Variants in ITCH observed in about 807,000 individuals in gnomAD.
ITCH encodes the protein itchy E3 ubiquitin protein ligase, also known as E3 ubiquitin-protein ligase Itchy homolog.
Under a neutral mutation model 126.8 loss-of-function variants are expected in ITCH, and 28 were observed. That is an observed-to-expected ratio of 0.22 (90% confidence interval 0.16 to 0.30). The LOEUF is 0.30. Among genes scored for constraint, ITCH ranks in the 10% least tolerant of loss-of-function variants. ITCH has a pLI of 1.00. For missense variants in ITCH, 631 were observed against 1,032.4 expected (o/e 0.61, Z 5.33); for synonymous variants, 342 against 340.0 (o/e 1.01, Z -0.06).
At position 34,476,544 on chromosome 20, in the gene ITCH, G is replaced by A. The variant is rs115788324; in HGVS notation, c.1570-1228G>A. 1,885 of 883,506 alleles carry A rather than the reference G, an allele frequency of 2.1e-3. 28 individuals are homozygous for A. The African/African-American group carries it at 0.03, about 14-fold the overall frequency. 54.7% of individuals were successfully genotyped at this position (883,506 alleles called of 1,614,324 possible). A position where few individuals can be genotyped will look rare whatever the true frequency, so the allele number is the denominator to read the frequency against. On this transcript the variant is annotated intron_variant, in intron 16 of 24. Coordinates refer to ENST00000374864, the MANE Select transcript of ITCH (RefSeq NM_031483.7). ...TAACCTTGTGACATTTCTCATTTGC[G>A]TTGCTGTATACCTAGCCTATACTAT...
At chr20:34,374,977 G>A (rs2037778773) in intron 2 of ITCH, among the ~76,000 whole-genome samples, 1 of 151,420 alleles carries the variant, frequency 6.6e-6, no homozygotes, top group East Asian at 1.9e-4. Context: ...CTGACCTCAG[G>A]TGATCCACCC....
rs1984327337 is a variant in ITCH at position 34,445,366 on chromosome 20, A to G, written c.1045A>G (p.Thr349Ala). 2 of 1,613,960 alleles carry G rather than the reference A, an allele frequency of 1.2e-6. No homozygotes were observed. Among genetic ancestry groups the G allele is most frequent in the Non-Finnish European group, 1.7e-6 (2 of 1,180,042 alleles). The part of the protein sequence containing the change: ...FTRTTTWQRP[T>A]LESVRNYEQW... ...AAGAACAACAACGTGGCAGAGGCCAACACTGGAATCCGTCCGGAACTATGA... is the reference window on the plus strand; with the variant it reads ...AAGAACAACAACGTGGCAGAGGCCAGCACTGGAATCCGTCCGGAACTATGA... Residue 349 changes from threonine (T) to alanine (A), a missense_variant, in exon 11 of 25, where the codon ACA (threonine) becomes GCA (alanine). Coordinates refer to ENST00000374864, the MANE Select transcript of ITCH (RefSeq NM_031483.7).
intron 6 of ITCH, among the ~76,000 whole-genome samples, chr20:34,414,457 CTTTTTTTTTTTT>C (rs770240058): frequency 2.8e-5 from 2 of 70,826 alleles, no homozygotes; most frequent in Admixed American, 2.1e-4. Flanking sequence ...ACTTTAAATC[CTTTTTTTTTTTT>C]TTTTTTTTTT....
intron 9 of ITCH, 35 bp downstream of exon 9, chr20:34,440,379 T>C (rs1983588502): frequency 1.0e-5 from 15 of 1,481,028 alleles, no homozygotes; most frequent in Non-Finnish European, 1.4e-5. Flanking sequence ...ATGTTGTCTT[T>C]AGGATTCTTC....
chr20:34,387,211 G>C (rs2038314873), intron 2 of ITCH, among the ~76,000 whole-genome samples: 1 of 151,916 alleles, frequency 6.6e-6, no homozygotes, highest in African/African-American at 2.4e-5. Context: ...GCTGAGGCAG[G>C]AGAATTGCTT....
At chr20:34,465,192 A>G (rs562947665) in intron 14 of ITCH, among the ~76,000 whole-genome samples, 1 of 152,342 alleles carries the variant, frequency 6.6e-6, no homozygotes, top group South Asian at 2.1e-4. Flanking sequence ...ACCATTGTCA[A>G]TAGCATTTTA....
At chr20:34,421,712 TAA>T (rs927135178) in intron 6 of ITCH, among the ~76,000 whole-genome samples, 3 of 152,054 alleles carry the variant, frequency 2.0e-5, no homozygotes, top group African/African-American at 7.2e-5. Context: ...TGGAGTGAAA[TAA>T]AAGAGTGAAT....
chr20:34,448,485 C>CAA (rs1196598319), intron 11 of ITCH, among the ~76,000 whole-genome samples: 1 of 151,744 alleles, frequency 6.6e-6, no homozygotes, highest in African/African-American at 2.4e-5. Flanking sequence ...TTCGCTTCAA[C>CAA]AAAGAACAGG....
chr20:34,413,372 A>G (rs948971942), intron 5 of ITCH, among the ~76,000 whole-genome samples: 5 of 152,182 alleles, frequency 3.3e-5, no homozygotes, highest in Non-Finnish European at 1.5e-5. Flanking sequence ...AGGACTTATT[A>G]GATATAATTT....
At chr20:34,442,359 A>C in intron 10 of ITCH, 56 bp downstream of exon 10, 1 of 1,222,276 alleles carries the variant, frequency 8.2e-7, no homozygotes, top group Admixed American at 1.7e-5. Flanking sequence ...GTGGATTACA[A>C]CTGTATAATC....
At chr20:34,415,308 C>T (rs1286410333) in intron 6 of ITCH, among the ~76,000 whole-genome samples, 1 of 152,142 alleles carries the variant, frequency 6.6e-6, no homozygotes, top group Non-Finnish European at 1.5e-5. Flanking sequence ...CCCTTGATCC[C>T]AGCACTTTGG....
intron 12 of ITCH, among the ~76,000 whole-genome samples, chr20:34,455,241 A>G (rs1985765152): frequency 6.6e-6 from 1 of 152,230 alleles, no homozygotes; most frequent in African/African-American, 2.4e-5. Context: ...AGCTTTTTAA[A>G]AAGTTTCAGT....
intron 23 of ITCH, among the ~76,000 whole-genome samples, chr20:34,498,094 C>T (rs1471024111): frequency 1.3e-5 from 2 of 152,116 alleles, no homozygotes; most frequent in Middle Eastern, 6.3e-3. Flanking sequence ...TTGTTTGTAG[C>T]TATTGTAAGT....
rs907096452 is a variant in ITCH at position 34,460,088 on chromosome 20, A to G, written c.1296-2005A>G. Among the ~76,000 whole-genome samples, 5 of 152,304 alleles carry G rather than the reference A, an allele frequency of 3.3e-5. 1 individual carries two copies. The Middle Eastern group carries it at 0.01, about 311-fold the overall frequency. ...AAGACAACAACTTGTTACTGAGCCT[A>G]TCTTGCAAGTATAACAATTGAGAAT... On this transcript the variant is annotated intron_variant, in intron 13 of 24. Transcript: ENST00000374864.
intron 14 of ITCH, among the ~76,000 whole-genome samples, chr20:34,465,639 A>G (rs1986980013): frequency 6.6e-6 from 1 of 152,052 alleles, no homozygotes; most frequent in African/African-American, 2.4e-5. Context: ...CTTCTTGATT[A>G]ATTCCTAAGT....
At chr20:34,504,225 T>C in intron 23 of ITCH, 106 bp from the exon 24 acceptor site, 1 of 846,496 alleles carries the variant, frequency 1.2e-6, no homozygotes. Context: ...CCTGAGGATT[T>C]ATGGTTCTAA....
At chr20:34,370,149 T>G (rs1320771571) in intron 2 of ITCH, among the ~76,000 whole-genome samples, 3 of 149,628 alleles carry the variant, frequency 2.0e-5, no homozygotes, top group Non-Finnish European at 4.4e-5. Flanking sequence ...GCAGAAAGAA[T>G]AGAGGACTTG....
chr20:34,374,218 C>A (rs750305938), intron 2 of ITCH, among the ~76,000 whole-genome samples: 31 of 152,192 alleles, frequency 2.0e-4, no homozygotes, highest in Middle Eastern at 3.4e-3. Flanking sequence ...GTAGGTTCTA[C>A]AATTTTGTCT....
chr20:34,399,170 A>G (rs946510679), intron 3 of ITCH, among the ~76,000 whole-genome samples: 2 of 152,102 alleles, frequency 1.3e-5, no homozygotes, highest in Non-Finnish European at 2.9e-5. Context: ...AGGTGGGCGG[A>G]TCACTTGAGG....
Sources: allele counts gnomAD v4.1 joint callset (sites outside exome capture counted in the v4.1 genomes callset), GRCh38; gene constraint gnomAD v4.1.1; transcripts MANE v1.5; gene names NCBI Gene and HGNC (gene_info 2026-07-23, HGNC 2026-07-21).